KCTD8: variants seen among roughly 807,000 people sequenced by gnomAD.
The protein encoded by KCTD8 is BTB/POZ domain-containing protein KCTD8.
KCTD8 carries 27 observed loss-of-function variants against 31.5 expected under a neutral mutation model. The ratio of observed to expected loss-of-function variants is 0.86; its 90% CI spans 0.63 to 1.18. The LOEUF (loss-of-function observed/expected upper bound fraction) is 1.18. Among genes scored for constraint, KCTD8 ranks in the 50% most tolerant of loss-of-function variants. The pLI, the probability that KCTD8 is intolerant of heterozygous loss-of-function variation, is 0.00. For missense variants in KCTD8, 658 were observed against 647.7 expected (o/e 1.02, Z -0.17); for synonymous variants, 290 against 280.0 (o/e 1.04, Z -0.36).
chr4:44,298,417 CT>C (rs1172209183), intron 1 of KCTD8, among the ~76,000 whole-genome samples: 70 of 151,418 alleles, frequency 4.6e-4, no homozygotes, highest in African/African-American at 1.7e-3. Context: ...CCCCCCCCAC[CT>C]CTTTATTTTT....
At chr4:44,333,987 T>A (rs1364246284) in intron 1 of KCTD8, among the ~76,000 whole-genome samples, 2 of 152,014 alleles carry the variant, frequency 1.3e-5, no homozygotes, top group African/African-American at 4.8e-5. Context: ...ATGAGAAAAA[T>A]TGAACACCAT....
intron 1 of KCTD8, among the ~76,000 whole-genome samples, chr4:44,294,716 T>C (rs1177527664): frequency 6.6e-6 from 1 of 152,224 alleles, no homozygotes; most frequent in African/African-American, 2.4e-5. Flanking sequence ...ATATCCATTT[T>C]GTGGACAGGT....
intron 1 of KCTD8, among the ~76,000 whole-genome samples, chr4:44,397,392 T>C (rs1354163537): frequency 6.6e-6 from 1 of 152,178 alleles, no homozygotes; most frequent in Admixed American, 6.6e-5. Context: ...CATTCATATA[T>C]ATGTAGATAT....
chr4:44,331,503 GGTT>G (rs1665001072), intron 1 of KCTD8, among the ~76,000 whole-genome samples: 1 of 151,600 alleles, frequency 6.6e-6, no homozygotes, highest in Admixed American at 6.6e-5. Flanking sequence ...ATCATAGATA[GGTT>G]GTTAACAAGA....
intron 1 of KCTD8, among the ~76,000 whole-genome samples, chr4:44,232,391 C>A (rs1715148590): frequency 1.3e-5 from 2 of 152,118 alleles, no homozygotes; most frequent in South Asian, 4.1e-4. Context: ...GAGACTCAAA[C>A]TCACTCTTCT....
chr4:44,210,609 A>G (rs1415826502), intron 1 of KCTD8, among the ~76,000 whole-genome samples: 1 of 152,216 alleles, frequency 6.6e-6, no homozygotes, highest in African/African-American at 2.4e-5. Flanking sequence ...ATTTCAGTTA[A>G]ATCTGATAAA....
intron 1 of KCTD8, among the ~76,000 whole-genome samples, chr4:44,231,681 T>C (rs1715121175): frequency 6.6e-6 from 1 of 152,180 alleles, no homozygotes. Context: ...GGTTTTCATG[T>C]ATCAGAAAGG....
At chr4:44,295,312 A>G (rs1013250646) in intron 1 of KCTD8, among the ~76,000 whole-genome samples, 2 of 152,064 alleles carry the variant, frequency 1.3e-5, no homozygotes, top group African/African-American at 2.4e-5. Flanking sequence ...AAAAATAAAA[A>G]GACAGAAAAA....
chr4:44,213,409 G>T (rs902357646), intron 1 of KCTD8, among the ~76,000 whole-genome samples: 1 of 152,172 alleles, frequency 6.6e-6, no homozygotes, highest in Non-Finnish European at 1.5e-5. Context: ...TGTAATAAGT[G>T]GCAGGGGTGG....
intron 1 of KCTD8, among the ~76,000 whole-genome samples, chr4:44,374,375 G>C (rs1719867166): frequency 6.6e-6 from 1 of 152,296 alleles, no homozygotes; most frequent in East Asian, 1.9e-4. Context: ...GTAAGGGAAT[G>C]CTGGCTGAAG....
intron 1 of KCTD8, among the ~76,000 whole-genome samples, chr4:44,286,231 T>C (rs921065313): frequency 6.6e-6 from 1 of 152,154 alleles, no homozygotes; most frequent in African/African-American, 2.4e-5. Context: ...AAATTTTATC[T>C]AGGCTCAGTC....
chr4:44,260,716 T>C (rs1383702162), intron 1 of KCTD8, among the ~76,000 whole-genome samples: 1 of 151,880 alleles, frequency 6.6e-6, no homozygotes, highest in African/African-American at 2.4e-5. Context: ...TGGAGTTAAG[T>C]CAATAAGGAG....
chr4:44,394,886 T>C (rs1720458780), intron 1 of KCTD8, among the ~76,000 whole-genome samples: 1 of 152,062 alleles, frequency 6.6e-6, no homozygotes, highest in Admixed American at 6.6e-5. Context: ...CTGATGTAGG[T>C]CTTGTTCCAG....
At chr4:44,264,827 G>A (rs538733131) in intron 1 of KCTD8, among the ~76,000 whole-genome samples, 16 of 152,198 alleles carry the variant, frequency 1.1e-4, no homozygotes, top group South Asian at 2.1e-4. Flanking sequence ...AGGCAGCAGC[G>A]AGGCTGGGGG....
At chr4:44,213,462 CTGTT>C (rs1714554187) in intron 1 of KCTD8, among the ~76,000 whole-genome samples, 1 of 152,106 alleles carries the variant, frequency 6.6e-6, no homozygotes, top group African/African-American at 2.4e-5. Flanking sequence ...AGTGTTTCTT[CTGTT>C]TGTTAAAATA....
intron 1 of KCTD8, among the ~76,000 whole-genome samples, 154 bp downstream of exon 1, chr4:44,447,409 T>C (rs1344578472): frequency 2.6e-5 from 4 of 152,168 alleles, no homozygotes; most frequent in Non-Finnish European, 5.9e-5. Context: ...TCGTGTCTAC[T>C]GCATAAGGGA....
rs577677943 is a variant in KCTD8, at chr4:44,213,583, T to C, written c.962-38333A>G. Among the ~76,000 whole-genome samples, 8 of 152,358 alleles carry C rather than the reference T, an allele frequency of 5.3e-5. No individual in the cohort carries two copies. The East Asian group carries it at 1.5e-3, about 29-fold the overall frequency. The stretch of plus-strand genomic sequence containing the variant: ...TAATCATCTTTAATGTATGTTCATT[T>C]GTATAGTTCAGTTATTGTTAATGTT... On this transcript the variant is annotated intron_variant, in intron 1 of 1. Transcript: ENST00000360029.
At chr4:44,189,513 T>C (rs1713696634) in intron 1 of KCTD8, among the ~76,000 whole-genome samples, 1 of 151,206 alleles carries the variant, frequency 6.6e-6, no homozygotes, top group Non-Finnish European at 1.5e-5. Flanking sequence ...TCTCCAATTA[T>C]ATAGATCAAC....
chr4:44,217,180 T>C (rs1015331587), intron 1 of KCTD8, among the ~76,000 whole-genome samples: 1 of 152,198 alleles, frequency 6.6e-6, no homozygotes, highest in Non-Finnish European at 1.5e-5. Flanking sequence ...GATAGCCTTA[T>C]GGACTACAGT....
Sources: allele counts gnomAD v4.1 joint callset (sites outside exome capture counted in the v4.1 genomes callset), GRCh38; gene constraint gnomAD v4.1.1; transcripts MANE v1.5; gene names NCBI Gene and HGNC (gene_info 2026-07-23, HGNC 2026-07-21).